WRAP53: variants seen among roughly 807,000 people sequenced by gnomAD.
WRAP53 encodes telomerase Cajal body protein 1.
In WRAP53, 28 loss-of-function variants were observed where a neutral mutation model predicts 56.6. That is an observed-to-expected ratio of 0.50 (90% confidence interval 0.37 to 0.68). The LOEUF (loss-of-function observed/expected upper bound fraction) is 0.68. Among genes scored for constraint, WRAP53 ranks in the 30% least tolerant of loss-of-function variants. WRAP53 has a pLI of 0.00. For missense variants in WRAP53, 671 were observed against 715.5 expected, an observed-to-expected ratio of 0.94 and a Z score of 0.71; for synonymous variants, 283 against 283.4, an observed-to-expected ratio of 1.00 and a Z score of 0.01.
rs776247946 is a variant in WRAP53, at chr17:7,701,422, G to C, written c.732-37G>C. Reference sequence around the variant, plus strand: ...GCCCGGCCATTCCTCCCCTTCCTTTGACAGCACCGGGGTTTCAGTGTCCAT... The same window carrying C: ...GCCCGGCCATTCCTCCCCTTCCTTTCACAGCACCGGGGTTTCAGTGTCCAT... On this transcript the variant is annotated intron_variant, in intron 5 of 10. Coordinates refer to ENST00000396463, the MANE Select transcript of WRAP53 (RefSeq NM_001143992.2). This position sits in a 1 kb window ranked among gnomAD's most constrained non-coding sequence, Gnocchi z 4.2. 1 of 1,611,520 alleles carries C rather than the reference G, an allele frequency of 6.2e-7. No individual in the cohort carries two copies. Among genetic ancestry groups the C allele is most frequent in the Non-Finnish European group, 8.5e-7 (1 of 1,177,664 alleles).
rs2074081396 is a variant in WRAP53, at chr17:7,689,572, A to T, written c.531-18A>T. On this transcript the variant is annotated intron_variant, in intron 3 of 10. Coordinates refer to ENST00000396463, the MANE Select transcript of WRAP53 (RefSeq NM_001143992.2). ...AAGCATAGGTCTGGCCAGCTTTCTA[A>T]CTCTCCCCTGTTTCTAGGGCTCCTG... The T allele has an allele frequency of 6.2e-7, 1 of 1,610,858 alleles. No individual in the cohort carries two copies. The highest frequency in any genetic ancestry group is 1.3e-5 in the African/African-American group (1 of 74,762).
Position 7,703,455 on chromosome 17 carries a change from G to A in WRAP53, c.1616G>A (p.Gly539Glu), listed in dbSNP as rs758623071. 2.5e-6 allele frequency: 4 copies of A among 1,613,586 alleles called. No homozygotes were observed. The highest frequency in any genetic ancestry group is 3.4e-6 in the Non-Finnish European group (4 of 1,179,906). ...DDHQGEKGQG[G>E]TEGGVGELI ...CACCAGGGCGAGAAAGGGCAGGGAGGAACGGAGGGAGGTGTGGGTGAGCTG... is the reference window on the plus strand; with the variant it reads ...CACCAGGGCGAGAAAGGGCAGGGAGAAACGGAGGGAGGTGTGGGTGAGCTG... Residue 539 changes from glycine to glutamate, a missense_variant, in exon 11 of 11, where the codon GGA becomes GAA. Coordinates refer to ENST00000396463, the MANE Select transcript of WRAP53 (RefSeq NM_001143992.2).
chr17:7,690,447 A>G (rs1469412875), intron 4 of WRAP53, among the ~76,000 whole-genome samples: 1 of 152,242 alleles, frequency 6.6e-6, no homozygotes, highest in African/African-American at 2.4e-5. Flanking sequence ...TAACTAGAGG[A>G]AAGCACATTG....
At chr17:7,699,630 T>TTTGTTC (rs2074248857) in intron 4 of WRAP53, among the ~76,000 whole-genome samples, 1 of 145,888 alleles carries the variant, frequency 6.9e-6, no homozygotes, top group Non-Finnish European at 1.5e-5. Context: ...AACATATCTT[T>TTTGTTC]TTGTTCAGCT....
chr17:7,699,493 T>G (rs1214355981), intron 4 of WRAP53, among the ~76,000 whole-genome samples: 1 of 11,864 alleles, frequency 8.4e-5, no homozygotes, highest in African/African-American at 4.8e-4. Flanking sequence ...TATATATATA[T>G]ATATATATTT....
At chr17:7,696,423 C>A (rs977229412) in intron 4 of WRAP53, among the ~76,000 whole-genome samples, 4 of 151,582 alleles carry the variant, frequency 2.6e-5, no homozygotes, top group Non-Finnish European at 5.9e-5. Context: ...CTCAGCCTCC[C>A]GAGTAGCTGG....
rs1219343454 is a variant in WRAP53 at position 7,702,256 on chromosome 17, G to A, written c.956-88G>A. 36 of 1,398,754 alleles carry A rather than the reference G, an allele frequency of 2.6e-5. No homozygotes were observed. The highest frequency in any genetic ancestry group is 3.5e-5 in the Non-Finnish European group (35 of 987,292). 86.6% of individuals were successfully genotyped at this position (1,398,754 alleles called of 1,614,324 possible). A position where few individuals can be genotyped will look rare whatever the true frequency, so the allele number is the denominator to read the frequency against. On this transcript the variant is annotated intron_variant, in intron 7 of 10. Coordinates refer to ENST00000396463, the MANE Select transcript of WRAP53 (RefSeq NM_001143992.2). The surrounding 1 kb of genome is among the most constrained non-coding windows in gnomAD (Gnocchi z 5.0). ...GGGGATGTTGAGTCCAAGCATGTTG[G>A]TGCTGGGACGGGAGACAGACCTCTG... is the stretch of plus-strand genomic sequence containing the variant.
At chr17:7,698,328 T>A (rs1298761506) in intron 4 of WRAP53, among the ~76,000 whole-genome samples, 1 of 152,170 alleles carries the variant, frequency 6.6e-6, no homozygotes, top group African/African-American at 2.4e-5. Flanking sequence ...TTTGAATATA[T>A]TCATGAGTAG....
chr17:7,687,465 C>A, upstream of WRAP53: 1 of 398,706 alleles, frequency 2.5e-6, no homozygotes, highest in Non-Finnish European at 4.4e-6. Context: ...TACCTGCTCC[C>A]TGGACGGTGG....
intron 3 of WRAP53, 112 bp downstream of exon 3, chr17:7,689,434 C>T: frequency 7.7e-7 from 1 of 1,294,004 alleles, no homozygotes; most frequent in Non-Finnish European, 1.1e-6. Context: ...GCACGTAGCC[C>T]TTTTAGACTG....
intron 4 of WRAP53, among the ~76,000 whole-genome samples, chr17:7,696,514 G>A (rs894966758): frequency 1.3e-5 from 2 of 151,934 alleles, no homozygotes; most frequent in Non-Finnish European, 2.9e-5. Context: ...TAGCCAGGAT[G>A]GTCTCGATCT....
At chr17:7,694,403 C>T (rs946227817) in intron 4 of WRAP53, among the ~76,000 whole-genome samples, 17 of 151,760 alleles carry the variant, frequency 1.1e-4, no homozygotes, top group Admixed American at 2.0e-4. Context: ...CCACCGCACC[C>T]GGCTAATTTT....
At position 7,689,685 on chromosome 17, in the gene WRAP53, T is replaced by G. The variant is rs1441463202; in HGVS notation, c.626T>G (p.Val209Gly). 1 of 1,613,986 alleles carries G rather than the reference T, an allele frequency of 6.2e-7. No individual in the cohort carries two copies. Among genetic ancestry groups the G allele is most frequent in the South Asian group, 1.1e-5 (1 of 91,072 alleles). The change falls in exon 4 of 11, where the codon GTG (valine) becomes GGG (glycine). Residue 209 changes from valine (V) to glycine (G), a missense_variant. This residue lies in a region of WRAP53 where 406 missense variants were observed against 418.5 expected (regional missense o/e 0.97). Transcript: ENST00000396463. ...GAGCTGTACCATGAGGGGGAGCAGGTGGAATATGCAGAAATGGTAAGGACT... is the reference window on the plus strand; with the variant it reads ...GAGCTGTACCATGAGGGGGAGCAGGGGGAATATGCAGAAATGGTAAGGACT... ...PPELYHEGEQ[V>G]EYAEMVPVLR... is the part of the protein sequence containing the mutation.
upstream of WRAP53, chr17:7,687,667 G>A: frequency 2.5e-6 from 1 of 398,528 alleles, no homozygotes; most frequent in Non-Finnish European, 4.4e-6. Flanking sequence ...TGCAGAGTCA[G>A]GATTCTCGCC....
chr17:7,702,942 C>T lies in WRAP53; in HGVS notation c.1269-51C>T, dbSNP rs1231406934. 1 of 1,612,874 alleles carries T rather than the reference C, an allele frequency of 6.2e-7. No individual in the cohort carries two copies. The highest frequency in any genetic ancestry group is 8.5e-7 in the Non-Finnish European group (1 of 1,180,008). On this transcript the variant is annotated intron_variant, in intron 9 of 10. Transcript: ENST00000396463. The surrounding 1 kb of genome is among the most constrained non-coding windows in gnomAD (Gnocchi z 5.0). ...TCCCAGTCCCTGGGTGTGAGGGGTT[C>T]CTGCCCCAGGGGTGAGGCCTCTGCC...
chr17:7,687,285 C>G, upstream of WRAP53: 1 of 398,578 alleles, frequency 2.5e-6, no homozygotes, highest in Non-Finnish European at 4.4e-6. Flanking sequence ...ACTGCCCCAC[C>G]CCCAGCCCCA....
chr17:7,687,227 CT>C, upstream of WRAP53: 1 of 397,864 alleles, frequency 2.5e-6, no homozygotes, highest in Non-Finnish European at 4.4e-6. Context: ...ATGATGATCC[CT>C]CTAGCCAAGC....
rs1228563810 is a variant in WRAP53 at position 7,703,453 on chromosome 17, A to G, written c.1614A>G (p.Gly538=). 1.2e-6 allele frequency: 2 copies of G among 1,610,930 alleles called. No individual in the cohort carries two copies. The highest frequency in any genetic ancestry group is 2.2e-5 in the South Asian group (2 of 90,932). Residue 538 remains glycine, a synonymous_variant, in exon 11 of 11, where the codon GGA becomes GGG. Transcript: ENST00000396463. The part of the protein sequence containing the change: ...PDDHQGEKGQ[G]GTEGGVGELI ...ATCACCAGGGCGAGAAAGGGCAGGG[A>G]GGAACGGAGGGAGGTGTGGGTGAGC...
rs1302675349 is a variant in WRAP53 at position 7,703,010 on chromosome 17, T to C, written c.1286T>C (p.Val429Ala). 2 of 1,613,874 alleles carry C rather than the reference T, an allele frequency of 1.2e-6. No individual in the cohort carries two copies. Among genetic ancestry groups the C allele is most frequent in the Non-Finnish European group, 1.7e-6 (2 of 1,179,990 alleles). The change falls in exon 10 of 11, where the codon GTG (valine) becomes GCG (alanine). Residue 429 changes from valine (V) to alanine (A), a missense_variant. Coordinates refer to ENST00000396463, the MANE Select transcript of WRAP53 (RefSeq NM_001143992.2). Reference sequence around the variant, plus strand: ...TCTCGCAGGACCGGGCAGTTCCTAGTGAGTGGCAGCACGAGCGGGGCTGTC... The same window carrying C: ...TCTCGCAGGACCGGGCAGTTCCTAGCGAGTGGCAGCACGAGCGGGGCTGTC... The part of the protein sequence containing the change: ...FDLDPTGQFL[V>A]SGSTSGAVSV...
Sources: allele counts gnomAD v4.1 joint callset (sites outside exome capture counted in the v4.1 genomes callset), GRCh38; gene constraint gnomAD v4.1.1; regional missense constraint gnomAD v4.1.1; non-coding constraint Gnocchi (gnomAD v3.1); transcripts MANE v1.5; gene names NCBI Gene and HGNC (gene_info 2026-07-23, HGNC 2026-07-21).